Variants in NACC2 observed in about 807,000 individuals in gnomAD.
The protein encoded by NACC2 is nucleus accumbens-associated protein 2.
In NACC2, 8 loss-of-function variants were observed where a neutral mutation model predicts 25.1. That is an observed-to-expected ratio of 0.32 (90% CI 0.19 to 0.57). The LOEUF (loss-of-function observed/expected upper bound fraction) is 0.57, where lower values mean the gene tolerates loss of function less well. NACC2 is among the 20% of genes least tolerant of loss of function. The pLI, the probability that NACC2 is intolerant of heterozygous loss-of-function variation, is 0.89. For synonymous variants in NACC2, 435 were observed against 294.7 expected (o/e 1.48, Z -4.88); for missense variants, 644 against 650.2 (o/e 0.99, Z 0.10).
In NACC2 at chr9:136,050,396, C is replaced by A. The variant is rs1355198223; in HGVS notation, c.126G>T (p.Lys42Asn). Reference sequence around the variant, plus strand: ...TGGCGGCCAGCACCGCCCGGTGGGCCTTGAAGGCCTGGCCCTTGACCACGA... The same window carrying A: ...TGGCGGCCAGCACCGCCCGGTGGGCATTGAAGGCCTGGCCCTTGACCACGA... ...VSIVVKGQAF[K>N]AHRAVLAASS... Residue 42 changes from lysine (K) to asparagine (N), a missense_variant, in exon 2 of 6, where the codon AAG (lysine) becomes AAT (asparagine). Transcript: ENST00000277554. 1.3e-6 allele frequency: 1 copy of A among 760,148 alleles called. No homozygotes were observed. The highest frequency in any genetic ancestry group is 2.5e-5 in the East Asian group (1 of 40,536). The allele number at this position is 760,148 out of a possible 1,614,324, so 47.1% of individuals were successfully genotyped here.
At chr9:136,060,949 G>T (rs965184812) in intron 1 of NACC2, among the ~76,000 whole-genome samples, 1 of 152,216 alleles carries the variant, frequency 6.6e-6, no homozygotes, top group Non-Finnish European at 1.5e-5. Flanking sequence ...AAGGTGAAAG[G>T]GGGAGGGGAG....
At chr9:136,046,353 CGAT>C (rs1376457964) in intron 2 of NACC2, among the ~76,000 whole-genome samples, 1 of 152,188 alleles carries the variant, frequency 6.6e-6, no homozygotes, top group Non-Finnish European at 1.5e-5. Flanking sequence ...CCGGTGGATA[CGAT>C]GTTTTTCTTT....
intron 1 of NACC2, among the ~76,000 whole-genome samples, chr9:136,071,611 T>C (rs950904399): frequency 2.7e-5 from 4 of 146,796 alleles, no homozygotes; most frequent in Non-Finnish European, 6.0e-5. Flanking sequence ...CATTCTTAAA[T>C]ATATATGAAA....
At chr9:136,080,169 G>A (rs1373250161) in intron 1 of NACC2, among the ~76,000 whole-genome samples, 6 of 152,198 alleles carry the variant, frequency 3.9e-5, no homozygotes, top group Non-Finnish European at 8.8e-5. Context: ...AGGGCCTCCT[G>A]GCAGGGCCCT....
chr9:136,015,549 C>T (rs1564217331), intron 3 of NACC2, among the ~76,000 whole-genome samples: 1 of 152,194 alleles, frequency 6.6e-6, no homozygotes, highest in Non-Finnish European at 1.5e-5. Flanking sequence ...GGGAAGACCC[C>T]GAGACGCTGC....
At chr9:136,082,709 G>A (rs114989873) in intron 1 of NACC2, among the ~76,000 whole-genome samples, 4,038 of 152,252 alleles carry the variant, frequency 0.027, 57 homozygotes, top group African/African-American at 0.038. Flanking sequence ...CAACAGGGGC[G>A]CAGCCCTCAA....
chr9:136,049,539 C>T (rs1469416856), intron 2 of NACC2, 97 bp downstream of exon 2: 18 of 638,990 alleles, frequency 2.8e-5, no homozygotes, highest in East Asian at 1.1e-4. Flanking sequence ...CCTGTGGCCC[C>T]GCAGGCCTCC....
chr9:136,044,377 T>A (rs1031044165), intron 2 of NACC2, among the ~76,000 whole-genome samples: 1 of 152,164 alleles, frequency 6.6e-6, no homozygotes, highest in Non-Finnish European at 1.5e-5. Flanking sequence ...TAGCTGGGCA[T>A]AGCGGCACAT....
At chr9:136,043,331 G>A (rs1008747666) in intron 2 of NACC2, among the ~76,000 whole-genome samples, 2 of 152,302 alleles carry the variant, frequency 1.3e-5, no homozygotes, top group Middle Eastern at 6.8e-3. Context: ...TATAAAGTAC[G>A]GCTTATTCAA....
At chr9:136,024,164 G>A (rs1840341382) in intron 2 of NACC2, among the ~76,000 whole-genome samples, 1 of 143,274 alleles carries the variant, frequency 7.0e-6, no homozygotes. Context: ...GAGTGTGTGT[G>A]TGTGTGTGTG....
intron 2 of NACC2, among the ~76,000 whole-genome samples, chr9:136,047,564 C>T (rs1488632120): frequency 1.3e-5 from 2 of 152,212 alleles, no homozygotes; most frequent in Non-Finnish European, 2.9e-5. Flanking sequence ...GCAGCACCTG[C>T]GGCCTGGACA....
rs761431532 is a variant in NACC2, at chr9:136,011,782, G to C, written c.1498C>G (p.Arg500Gly). Residue 500 changes from arginine to glycine, a missense_variant, in exon 6 of 6, where the codon CGG becomes GGG. Coordinates refer to ENST00000277554, the MANE Select transcript of NACC2 (RefSeq NM_144653.5). ...VFEQRIYAER[R>G]GDAATIVALR... ...GCCACGATGGTGGCGGCGTCGCCCCGCCGCTCGGCGTAGATGCGTTGCTCG... is the reference window on the plus strand; with the variant it reads ...GCCACGATGGTGGCGGCGTCGCCCCCCCGCTCGGCGTAGATGCGTTGCTCG... 1.9e-6 allele frequency: 3 copies of C among 1,545,854 alleles called. No individual in the cohort carries two copies. Among genetic ancestry groups the C allele is most frequent in the Non-Finnish European group, 2.6e-6 (3 of 1,145,604 alleles).
intron 2 of NACC2, among the ~76,000 whole-genome samples, chr9:136,046,226 T>C (rs1840722328): frequency 6.6e-6 from 1 of 151,958 alleles, no homozygotes; most frequent in African/African-American, 2.4e-5. Context: ...GGCAGGCATT[T>C]CGCAATCTCT....
At chr9:136,089,810 T>C (rs575181326) in intron 1 of NACC2, among the ~76,000 whole-genome samples, 61 of 151,540 alleles carry the variant, frequency 4.0e-4, no homozygotes, top group African/African-American at 1.5e-3. Context: ...AATCCAATTA[T>C]AGCACAAATC....
intron 1 of NACC2, among the ~76,000 whole-genome samples, chr9:136,060,403 A>G (rs1472974711): frequency 6.6e-6 from 1 of 152,148 alleles, no homozygotes; most frequent in East Asian, 1.9e-4. Context: ...AATAAAGACC[A>G]TAAATACAAA....
At chr9:136,030,000 C>T (rs1472131625) in intron 2 of NACC2, among the ~76,000 whole-genome samples, 3 of 152,254 alleles carry the variant, frequency 2.0e-5, no homozygotes, top group South Asian at 2.1e-4. Flanking sequence ...GCGGGTGAAG[C>T]GACACCCCAA....
In NACC2 at chr9:136,055,742, T is replaced by TAGAGGAAGGAG. The variant is rs1840914431; in HGVS notation, c.-59-5173_-59-5163dup. Among the ~76,000 whole-genome samples the TAGAGGAAGGAG allele has an allele frequency of 6.6e-6, 1 of 151,898 alleles. No individual in the cohort carries two copies. Among genetic ancestry groups the TAGAGGAAGGAG allele is most frequent in the Non-Finnish European group, 1.5e-5 (1 of 67,948 alleles). On this transcript the variant is annotated intron_variant, in intron 1 of 5. Transcript: ENST00000277554. This position sits in a 1 kb window ranked among gnomAD's most constrained non-coding sequence, Gnocchi z 4.9. ...AAATGCACAGCCATTAAACACGTGG[T>TAGAGGAAGGAG]AGAGGAAGGAGAGAGGCGGGGCACG...
At chr9:136,059,229 C>T (rs1840973942) in intron 1 of NACC2, among the ~76,000 whole-genome samples, 2 of 152,196 alleles carry the variant, frequency 1.3e-5, no homozygotes, top group South Asian at 2.1e-4. Flanking sequence ...CTAGGGACAC[C>T]CTCAGGGCTA....
intron 2 of NACC2, among the ~76,000 whole-genome samples, chr9:136,027,606 T>A (rs990518950): frequency 6.6e-5 from 10 of 152,096 alleles, no homozygotes; most frequent in Admixed American, 3.9e-4. Flanking sequence ...AAGCAGTACA[T>A]TGCTACATAA....
Sources: allele counts gnomAD v4.1 joint callset (sites outside exome capture counted in the v4.1 genomes callset), GRCh38; gene constraint gnomAD v4.1.1; non-coding constraint Gnocchi (gnomAD v3.1); transcripts MANE v1.5; gene names NCBI Gene and HGNC (gene_info 2026-07-23, HGNC 2026-07-21).